CNOT1: variants seen among roughly 807,000 people sequenced by gnomAD.
CNOT1 encodes the protein CCR4-associated factor 1.
CNOT1 carries 15 observed loss-of-function variants against 273.8 expected under a neutral mutation model. The observed-to-expected ratio is 0.05, with a 90% CI of 0.04 to 0.08. The LOEUF (loss-of-function observed/expected upper bound fraction) is 0.08, where lower values mean the gene tolerates loss of function less well. Ranked by LOEUF, CNOT1 falls within the 10% of genes least tolerant of loss-of-function variation. CNOT1 has a pLI of 1.00. For synonymous variants in CNOT1, 1,022 were observed against 1,005.5 expected, an observed-to-expected ratio of 1.02 and a Z score of -0.31; for missense variants, 1,644 against 2,912.2, an observed-to-expected ratio of 0.56 and a Z score of 10.02.
intron 1 of CNOT1, among the ~76,000 whole-genome samples, chr16:58,601,720 C>T (rs908131866): frequency 1.5e-5 from 2 of 133,174 alleles, no homozygotes; most frequent in Admixed American, 8.0e-5. Flanking sequence ...TATGCTAGTG[C>T]TCCATACCCA....
intron 17 of CNOT1, chr16:58,559,892 A>T (rs2040771082): frequency 1.6e-6 from 1 of 617,190 alleles, no homozygotes; most frequent in Admixed American, 1.9e-5. Context: ...TTGGCCCGTG[A>T]AGCTACAAAC....
At chr16:58,525,961 AGAT>A in intron 45 of CNOT1, 25 bp downstream of exon 45, 1 of 1,605,382 alleles carries the variant, frequency 6.2e-7, no homozygotes, top group Non-Finnish European at 8.5e-7. Context: ...TGGAAGACGT[AGAT>A]GAGTTTTAAG....
At chr16:58,599,097 T>C in intron 2 of CNOT1, 139 bp downstream of exon 2, 1 of 959,866 alleles carries the variant, frequency 1.0e-6, no homozygotes, top group African/African-American at 1.6e-5. Context: ...CTTTTACAGA[T>C]GATGATGACA....
Position 58,576,481 on chromosome 16 carries a change from A to G in CNOT1, c.1686T>C (p.Asp562=). The G allele has an allele frequency of 6.2e-7, 1 of 1,614,116 alleles. No homozygotes were observed. The highest frequency in any genetic ancestry group is 1.3e-5 in the African/African-American group (1 of 75,030). ...YDQAKLSRIL[D]VAQDLKALSM... The stretch of plus-strand genomic sequence containing the variant: ...AACTCACCTTCAAGTCCTGGGCCAC[A>G]TCAAGTATTCGAGACAATTTGGCCT... Residue 562 remains aspartate, a synonymous_variant, in exon 14 of 49, where the codon GAT becomes GAC. Coordinates refer to ENST00000317147, the MANE Select transcript of CNOT1 (RefSeq NM_016284.5).
chr16:58,603,205 T>C (rs1044680176), intron 1 of CNOT1, among the ~76,000 whole-genome samples: 5 of 152,156 alleles, frequency 3.3e-5, no homozygotes, highest in Non-Finnish European at 7.3e-5. Context: ...ATTCTCAACA[T>C]AATGTCCAGA....
chr16:58,621,480 T>C (rs2043313492), intron 1 of CNOT1, among the ~76,000 whole-genome samples: 1 of 150,812 alleles, frequency 6.6e-6, no homozygotes. Flanking sequence ...TCCATGTTGG[T>C]CAAGCTGGTC....
intron 20 of CNOT1, 41 bp downstream of exon 20, chr16:58,555,743 T>C (rs772121809): frequency 6.2e-7 from 1 of 1,609,774 alleles, no homozygotes. Context: ...TATTTAAGAC[T>C]GGCCTAAACA....
At chr16:58,543,345 A>G in intron 31 of CNOT1, 3 of 1,549,220 alleles carry the variant, frequency 1.9e-6, no homozygotes, top group African/African-American at 1.4e-5. Flanking sequence ...TTAAATCTTA[A>G]TTTATTTAAA....
At chr16:58,557,922 G>C (rs1018057578) in intron 18 of CNOT1, among the ~76,000 whole-genome samples, 1 of 152,038 alleles carries the variant, frequency 6.6e-6, no homozygotes, top group Admixed American at 6.6e-5. Flanking sequence ...CCTGGGAGGC[G>C]GAGGTTGCAG....
chr16:58,556,013 T>A, intron 19 of CNOT1, 105 bp from the exon 20 acceptor site: 1 of 1,515,708 alleles, frequency 6.6e-7, no homozygotes, highest in Admixed American at 2.3e-5. Flanking sequence ...TCAAGGGAAA[T>A]ATAAAAAAAC....
rs2041802364 is a variant in CNOT1 at position 58,585,431 on chromosome 16, C to G, written c.713G>C (p.Arg238Thr). 1 of 1,613,680 alleles carries G rather than the reference C, an allele frequency of 6.2e-7. No individual in the cohort carries two copies. The highest frequency in any genetic ancestry group is 8.5e-7 in the Non-Finnish European group (1 of 1,180,008). The stretch of plus-strand genomic sequence containing the variant: ...TACCCCTCCGGAATCAGGCAGGATC[C>G]TGTCCATTAGAATGTCCCGTTTTTC... Reference protein sequence around the residue: ...YPEKRDILMDRILPDSGGVAK... With the variant: ...YPEKRDILMDTILPDSGGVAK... The change falls in exon 8 of 49, where the codon AGG (arginine) becomes ACG (threonine). Residue 238 changes from arginine to threonine, a missense_variant. Coordinates refer to ENST00000317147, the MANE Select transcript of CNOT1 (RefSeq NM_016284.5).
intron 1 of CNOT1, among the ~76,000 whole-genome samples, chr16:58,605,017 T>C (rs557312749): frequency 1.3e-5 from 2 of 151,794 alleles, no homozygotes; most frequent in Admixed American, 6.6e-5. Flanking sequence ...GCGCCTGTAG[T>C]CCCAGCTGCT....
At position 58,542,546 on chromosome 16, in the gene CNOT1, T is replaced by C. The variant is rs1381410166; in HGVS notation, c.4457A>G (p.Glu1486Gly). 2.5e-6 allele frequency: 4 copies of C among 1,588,774 alleles called. No homozygotes were observed. Among genetic ancestry groups the C allele is most frequent in the African/African-American group, 1.4e-5 (1 of 72,350 alleles). ...ALRTASPQQR[E>G]MMDQAAAQLA... ...TTGAGCAGCTGCCTGATCCATCATT[T>C]CTCTTTGTTGTGGGGAAGCAGTCTA... The change falls in exon 32 of 49, where the codon GAA becomes GGA. Residue 1486 changes from glutamate to glycine, a missense_variant. Physicochemically the swap from Glu to Gly is moderately conservative, Grantham distance 98 (BLOSUM62 -2). Around this residue, in one of 13 missense-constraint regions of CNOT1, gnomAD observed 133 missense variants for 230.4 expected, o/e 0.58. Coordinates refer to ENST00000317147, the MANE Select transcript of CNOT1 (RefSeq NM_016284.5).
At chr16:58,623,588 C>A (rs2043438441) in intron 1 of CNOT1, among the ~76,000 whole-genome samples, 1 of 152,176 alleles carries the variant, frequency 6.6e-6, no homozygotes, top group African/African-American at 2.4e-5. Flanking sequence ...AGAGAGCTTC[C>A]AGATAGCTGA....
At chr16:58,590,711 G>A (rs1383428787) in intron 2 of CNOT1, among the ~76,000 whole-genome samples, 4 of 152,220 alleles carry the variant, frequency 2.6e-5, no homozygotes, top group African/African-American at 9.7e-5. Flanking sequence ...GTTACAGTGA[G>A]CTATGATGGT....
rs965196868 is a variant in CNOT1, at chr16:58,556,042, G to A, written c.2480-134C>T. 25 of 1,448,036 alleles carry A rather than the reference G, an allele frequency of 1.7e-5. No individual in the cohort carries two copies. In the South Asian group the frequency reaches 2.8e-4, roughly 16 times the overall value. The allele number at this position is 1,448,036 out of a possible 1,614,324, so 89.7% of individuals were successfully genotyped here. ...AAAAAACTGGAAAAGGTATTAAGCG[G>A]TCAAGTTTCAGTATTAATGTGTGCT... On this transcript the variant is annotated intron_variant, in intron 19 of 48. Coordinates refer to ENST00000317147, the MANE Select transcript of CNOT1 (RefSeq NM_016284.5).
At chr16:58,585,641 C>G (rs970597406) in intron 7 of CNOT1, 135 bp from the exon 8 acceptor site, 2 of 1,397,352 alleles carry the variant, frequency 1.4e-6, no homozygotes, top group African/African-American at 2.9e-5. Context: ...ATTTTTCCAG[C>G]CTACTAGCCG....
intron 16 of CNOT1, among the ~76,000 whole-genome samples, chr16:58,568,182 C>T (rs1356359321): frequency 6.6e-6 from 1 of 152,040 alleles, no homozygotes; most frequent in African/African-American, 2.4e-5. Context: ...GCCTGCCCAA[C>T]ATGAGAAACC....
chr16:58,605,044 G>C (rs1347679881), intron 1 of CNOT1, among the ~76,000 whole-genome samples: 1 of 152,080 alleles, frequency 6.6e-6, no homozygotes, highest in East Asian at 1.9e-4. Context: ...GCTGAGGCAG[G>C]AGAATGGCAT....
Sources: allele counts gnomAD v4.1 joint callset (sites outside exome capture counted in the v4.1 genomes callset), GRCh38; gene constraint gnomAD v4.1.1; regional missense constraint gnomAD v4.1.1; transcripts MANE v1.5; gene names NCBI Gene and HGNC (gene_info 2026-07-23, HGNC 2026-07-21).